The following MALRD1 variants were observed in gnomAD, a reference collection of about 807,000 sequenced individuals.
The protein encoded by MALRD1 is MAM and LDL receptor class A domain containing 1.
Under a neutral mutation model 242.1 loss-of-function variants are expected in MALRD1, and 247 were observed. That is an observed-to-expected ratio of 1.02 (90% CI 0.92 to 1.13). MALRD1 has a LOEUF of 1.13. Among genes scored for constraint, MALRD1 ranks in the 50% most tolerant of loss-of-function variants. MALRD1 has a pLI of 0.00. For missense variants in MALRD1, 2,989 were observed against 2,533.1 expected, an observed-to-expected ratio of 1.18 and a Z score of -3.86; for synonymous variants, 995 against 866.6, an observed-to-expected ratio of 1.15 and a Z score of -2.60.
intron 18 of MALRD1, among the ~76,000 whole-genome samples, chr10:19,231,826 C>A (rs1342020449): frequency 6.8e-6 from 1 of 148,130 alleles, no homozygotes; most frequent in Admixed American, 6.9e-5. Context: ...ATCACCGAGT[C>A]CCGCTTTCTG....
At position 19,613,080 on chromosome 10, in the gene MALRD1, G is replaced by T. The variant is rs192772550; in HGVS notation, c.6071-2777G>T. 2.6e-5 allele frequency among the ~76,000 whole-genome samples: 4 copies of T among 151,984 alleles called. No individual in the cohort carries two copies. In the East Asian group the frequency reaches 7.8e-4, roughly 29 times the overall value. ...CCTTCATGATTATCATCATTTATCT[G>T]TTCTAGTAAATGTTTTCCCTGTCTC... On this transcript the variant is annotated intron_variant, in intron 35 of 39. Transcript: ENST00000454679.
At chr10:19,421,055 A>C (rs1268541644) in intron 28 of MALRD1, among the ~76,000 whole-genome samples, 1 of 152,184 alleles carries the variant, frequency 6.6e-6, no homozygotes, top group Non-Finnish European at 1.5e-5. Flanking sequence ...GAATATTCCC[A>C]AGGATATGTG....
intron 39 of MALRD1, among the ~76,000 whole-genome samples, chr10:19,731,490 C>CGTGTGTGTGTGTGTGTG (rs1461371270): frequency 6.9e-6 from 1 of 145,038 alleles, no homozygotes; most frequent in African/African-American, 2.7e-5. Context: ...ACATAGTTTA[C>CGTGTGTGTGTGTGTGTG]TTTGTGTGTG....
At chr10:19,233,395 G>C (rs1336219757) in intron 18 of MALRD1, among the ~76,000 whole-genome samples, 3 of 152,032 alleles carry the variant, frequency 2.0e-5, no homozygotes, top group African/African-American at 7.2e-5. Flanking sequence ...CCAGCTACTC[G>C]GGAGGCTGAG....
At chr10:19,598,780 T>C (rs574195009) in intron 34 of MALRD1, among the ~76,000 whole-genome samples, 1 of 152,110 alleles carries the variant, frequency 6.6e-6, no homozygotes, top group East Asian at 1.9e-4. Context: ...AGAGATAAAG[T>C]GGCAGGCAGA....
intron 11 of MALRD1, among the ~76,000 whole-genome samples, chr10:19,152,941 T>C (rs1833996550): frequency 6.6e-6 from 1 of 152,212 alleles, no homozygotes; most frequent in Non-Finnish European, 1.5e-5. Flanking sequence ...TTAATTAATA[T>C]TGTTTTATCA....
Position 19,327,613 on chromosome 10 carries a change from A to G in MALRD1, c.3627A>G (p.Gly1209=). The change falls in exon 23 of 40, where the codon GGA becomes GGG. Residue 1209 remains glycine, a synonymous_variant. Coordinates refer to ENST00000454679, the MANE Select transcript of MALRD1 (RefSeq NM_001142308.3). ...NVTSKLWAQT[G]QQGAQWKRAE... is the part of the protein sequence containing the mutation. ...CTTCTAAATTGTGGGCTCAAACTGG[A>G]CAGCAAGGTGCACAGTGGAAGAGAG... The G allele has an allele frequency of 6.5e-7, 1 of 1,550,066 alleles. No individual in the cohort carries two copies. Among genetic ancestry groups the G allele is most frequent in the Non-Finnish European group, 8.7e-7 (1 of 1,146,476 alleles).
At chr10:19,350,276 T>C (rs1844317262) in intron 25 of MALRD1, among the ~76,000 whole-genome samples, 1 of 147,346 alleles carries the variant, frequency 6.8e-6, no homozygotes, top group South Asian at 2.2e-4. Flanking sequence ...TTTTTCTTTT[T>C]TTTTTTTTTT....
intron 24 of MALRD1, among the ~76,000 whole-genome samples, chr10:19,345,502 C>G (rs936320960): frequency 2.0e-5 from 3 of 151,916 alleles, no homozygotes; most frequent in African/African-American, 7.3e-5. Flanking sequence ...TGAAAGGATA[C>G]TTAGAACTTC....
In MALRD1 at chr10:19,376,542, CTTT is replaced by C. The variant is rs57836152; in HGVS notation, c.4442-10960_4442-10958del. On this transcript the variant is annotated intron_variant, in intron 26 of 39. Coordinates refer to ENST00000454679, the MANE Select transcript of MALRD1 (RefSeq NM_001142308.3). ...TTGAAAGTCAAGGAGTTGATACATT[CTTT>C]TTTTTTTTTTTTTTTTTTTTTTTTT... 1.5e-3 allele frequency among the ~76,000 whole-genome samples: 141 copies of C among 94,906 alleles called. 1 individual carries two copies. Among genetic ancestry groups the C allele is most frequent in the East Asian group, 3.8e-3 (11 of 2,900 alleles). 62.3% of individuals were successfully genotyped at this position (94,906 alleles called of 152,430 possible).
At chr10:19,262,906 T>C (rs1207765317) in intron 19 of MALRD1, among the ~76,000 whole-genome samples, 1 of 152,234 alleles carries the variant, frequency 6.6e-6, no homozygotes, top group Admixed American at 6.5e-5. Flanking sequence ...GTGTCTGTCT[T>C]ATTTCACTTA....
chr10:19,699,685 A>G (rs1057093530), intron 38 of MALRD1, among the ~76,000 whole-genome samples: 4 of 152,120 alleles, frequency 2.6e-5, no homozygotes, highest in African/African-American at 9.7e-5. Flanking sequence ...GCTTCTGGGT[A>G]GGCTTCAGGA....
intron 21 of MALRD1, among the ~76,000 whole-genome samples, chr10:19,318,970 G>T (rs970636957): frequency 9.4e-5 from 5 of 53,398 alleles, no homozygotes; most frequent in Admixed American, 8.3e-4. Flanking sequence ...AACGTACACA[G>T]ACATACACAC....
At chr10:19,619,663 A>T (rs1439394370) in intron 36 of MALRD1, among the ~76,000 whole-genome samples, 2 of 152,126 alleles carry the variant, frequency 1.3e-5, no homozygotes, top group African/African-American at 4.8e-5. Context: ...TCTGAAAGAA[A>T]CATCTATTGT....
chr10:19,047,026 C>T (rs1444794582), upstream of MALRD1, among the ~76,000 whole-genome samples: 1 of 152,082 alleles, frequency 6.6e-6, no homozygotes, highest in Non-Finnish European at 1.5e-5. Context: ...GACAGTTCTA[C>T]TGATTTCAGA....
chr10:19,530,406 TATTTATATAATAATA>T (rs1564417334), intron 31 of MALRD1, among the ~76,000 whole-genome samples: 1 of 39,814 alleles, frequency 2.5e-5, no homozygotes. Flanking sequence ...AAATATTATA[TATTTATATAATAATA>T]AATATATAAT....
At chr10:19,618,422 T>C (rs920948688) in intron 36 of MALRD1, among the ~76,000 whole-genome samples, 3 of 152,110 alleles carry the variant, frequency 2.0e-5, no homozygotes, top group Admixed American at 1.3e-4. Flanking sequence ...GCTTTGACAA[T>C]GGTTGAAGTA....
chr10:19,287,527 A>G (rs1841183364), intron 21 of MALRD1, among the ~76,000 whole-genome samples: 3 of 152,058 alleles, frequency 2.0e-5, no homozygotes, highest in Non-Finnish European at 4.4e-5. Context: ...TTTTATGTGA[A>G]AATTAATAGT....
At chr10:19,405,863 T>C (rs1158528874) in intron 28 of MALRD1, among the ~76,000 whole-genome samples, 1 of 152,132 alleles carries the variant, frequency 6.6e-6, no homozygotes, top group Non-Finnish European at 1.5e-5. Context: ...ATGCATTTTT[T>C]TTTTTCCTTT....
Sources: gnomAD v4.1 joint callset for allele counts (sites outside exome capture counted in the v4.1 genomes callset) on GRCh38, gnomAD v4.1.1 for gene constraint, MANE v1.5 for transcripts, NCBI Gene and HGNC (gene_info 2026-07-23, HGNC 2026-07-21) for gene names.